PIWIL3: variants seen among roughly 807,000 people sequenced by gnomAD.
The protein encoded by PIWIL3 is piwi-like protein 3.
PIWIL3 carries 101 observed loss-of-function variants against 109.7 expected under a neutral mutation model. The observed-to-expected ratio is 0.92, with a 90% confidence interval of 0.78 to 1.09. PIWIL3 has a LOEUF of 1.09. Ranked by LOEUF, PIWIL3 falls within the 50% of genes least tolerant of loss-of-function variation. PIWIL3 has a pLI of 0.00. For synonymous variants in PIWIL3, 373 were observed against 376.4 expected (o/e 0.99, Z 0.10); for missense variants, 1,031 against 1,072.6 (o/e 0.96, Z 0.54).
intron 16 of PIWIL3, among the ~76,000 whole-genome samples, chr22:24,726,634 C>A (rs570279826): frequency 6.6e-6 from 1 of 152,310 alleles, no homozygotes; most frequent in East Asian, 1.9e-4. Context: ...GATTGGAAAG[C>A]AGATTTTACA....
In PIWIL3 at chr22:24,760,003, G is replaced by T; in HGVS notation, c.103-14C>A. 6.2e-7 allele frequency: 1 copy of T among 1,613,578 alleles called. No homozygotes were observed. Among genetic ancestry groups the T allele is most frequent in the East Asian group, 2.2e-5 (1 of 44,884 alleles). On this transcript the variant is annotated splice_polypyrimidine_tract_variant and intron_variant, in intron 2 of 20. Transcript: ENST00000616349. ...GGGCTCCTGGGTCTGCATGTTTTTG[G>T]AAATAGAAATAATGAGCAGTGCCCT...
At chr22:24,740,493 A>T (rs1206018200) in intron 12 of PIWIL3, among the ~76,000 whole-genome samples, 1 of 147,118 alleles carries the variant, frequency 6.8e-6, no homozygotes, top group Non-Finnish European at 1.5e-5. Context: ...GTTTGCAGTG[A>T]GCTGAGATCA....
At chr22:24,730,605 G>A (rs532953812) in intron 14 of PIWIL3, among the ~76,000 whole-genome samples, 1 of 151,876 alleles carries the variant, frequency 6.6e-6, no homozygotes, top group Non-Finnish European at 1.5e-5. Flanking sequence ...CTGGATGATG[G>A]GTATACAGGG....
chr22:24,759,923 G>A lies in PIWIL3; in HGVS notation c.169C>T (p.Pro57Ser), dbSNP rs758011874. 1 of 1,614,134 alleles carries A rather than the reference G, an allele frequency of 6.2e-7. No homozygotes were observed. Among genetic ancestry groups the A allele is most frequent in the South Asian group, 1.1e-5 (1 of 91,078 alleles). ...PLQEEVPVVR[P>S]LQPRAARGGA... Reference sequence around the variant, plus strand: ...CCTCTTGCTGCTCTTGGCTGCAGAGGTCTAACCACTGGGACTTCCTCCTGC... The same window carrying A: ...CCTCTTGCTGCTCTTGGCTGCAGAGATCTAACCACTGGGACTTCCTCCTGC... The change falls in exon 3 of 21, where the codon CCT becomes TCT. Residue 57 changes from proline to serine, a missense_variant. Physicochemically the swap from Pro to Ser is moderately conservative, Grantham distance 74 (BLOSUM62 -1). Transcript: ENST00000616349.
At chr22:24,723,085 TTG>T in intron 19 of PIWIL3, 43 bp downstream of exon 19, 4 of 1,581,950 alleles carry the variant, frequency 2.5e-6, no homozygotes, top group Non-Finnish European at 3.5e-6. Flanking sequence ...CTGAAGGAAA[TTG>T]AGAAAATCAT....
chr22:24,731,190 C>T (rs969495219), intron 14 of PIWIL3, among the ~76,000 whole-genome samples: 2 of 152,154 alleles, frequency 1.3e-5, no homozygotes, highest in Non-Finnish European at 2.9e-5. Context: ...CCCAGGCCTC[C>T]ACAAACAAGT....
chr22:24,758,685 C>T (rs776343533), intron 3 of PIWIL3, among the ~76,000 whole-genome samples: 10 of 152,212 alleles, frequency 6.6e-5, no homozygotes, highest in Non-Finnish European at 1.5e-4. Flanking sequence ...AATTTTACTT[C>T]TGGAGTCTAG....
rs767176795 is a variant in PIWIL3, at chr22:24,756,492, C to T, written c.569G>A (p.Arg190Gln). The T allele has an allele frequency of 3.5e-5, 56 of 1,611,360 alleles. No individual in the cohort carries two copies. The highest frequency in any genetic ancestry group is 1.7e-4 in the Admixed American group (10 of 59,952). The change falls in exon 5 of 21, where the codon CGG becomes CAG. Residue 190 changes from arginine (R) to glutamine (Q), a missense_variant and splice_region_variant. By Grantham distance (43) the Arg-to-Gln change is conservative. Coordinates refer to ENST00000616349, the MANE Select transcript of PIWIL3 (RefSeq NM_001255975.1). ...SLLLSRPLKERRVEWLSTTKD... is the reference protein window; with the variant it reads ...SLLLSRPLKEQRVEWLSTTKD... ...AAATGTGAAACAACATTACTTAACCCGCTCTTTTAGTGGCCGAGATAATAA... is the reference window on the plus strand; with the variant it reads ...AAATGTGAAACAACATTACTTAACCTGCTCTTTTAGTGGCCGAGATAATAA...
At chr22:24,759,806 C>T in intron 3 of PIWIL3, 63 bp downstream of exon 3, 1 of 1,609,128 alleles carries the variant, frequency 6.2e-7, no homozygotes, top group Non-Finnish European at 8.5e-7. Flanking sequence ...CCTTCTACCG[C>T]TGTGGTAGCC....
chr22:24,742,384 A>C (rs1377397849), intron 12 of PIWIL3, among the ~76,000 whole-genome samples: 1 of 120,200 alleles, frequency 8.3e-6, no homozygotes, highest in Non-Finnish European at 1.9e-5. Context: ...TCATAGAACT[A>C]GAAAAAAAAA....
At chr22:24,736,457 CTAAA>C (rs1769211891) in intron 12 of PIWIL3, among the ~76,000 whole-genome samples, 1 of 152,186 alleles carries the variant, frequency 6.6e-6, no homozygotes, top group African/African-American at 2.4e-5. Context: ...CATGTGCTCC[CTAAA>C]TATTTAGTCT....
intron 4 of PIWIL3, 37 bp downstream of exon 4, chr22:24,757,871 A>C: frequency 6.4e-7 from 1 of 1,555,302 alleles, no homozygotes; most frequent in Non-Finnish European, 8.6e-7. Flanking sequence ...GTTAAAAACG[A>C]ACAGCTCCAT....
At chr22:24,746,784 C>G (rs1924398501) in intron 12 of PIWIL3, among the ~76,000 whole-genome samples, 1 of 151,872 alleles carries the variant, frequency 6.6e-6, no homozygotes, top group Non-Finnish European at 1.5e-5. Flanking sequence ...AGGAATTAAC[C>G]TAACCAAATT....
At chr22:24,769,228 A>T (rs1925982029) in intron 1 of PIWIL3, among the ~76,000 whole-genome samples, 1 of 152,214 alleles carries the variant, frequency 6.6e-6, no homozygotes, top group African/African-American at 2.4e-5. Flanking sequence ...CTTTGTAAGT[A>T]GTTGTTATGT....
intron 14 of PIWIL3, 62 bp from the exon 15 acceptor site, chr22:24,728,436 A>G: frequency 1.2e-6 from 2 of 1,601,578 alleles, no homozygotes; most frequent in Non-Finnish European, 1.7e-6. Context: ...GGAAAGAAAA[A>G]CCATCTGGAG....
intron 12 of PIWIL3, among the ~76,000 whole-genome samples, chr22:24,743,642 T>C (rs1254863042): frequency 6.6e-6 from 1 of 152,100 alleles, no homozygotes; most frequent in Non-Finnish European, 1.5e-5. Context: ...GGCGTAAGAA[T>C]GATGCAATGG....
intron 16 of PIWIL3, among the ~76,000 whole-genome samples, chr22:24,727,059 G>A (rs1375473257): frequency 1.3e-5 from 2 of 152,198 alleles, no homozygotes; most frequent in Non-Finnish European, 2.9e-5. Context: ...TGCAGGTATA[G>A]GAAGACAAGA....
At chr22:24,750,009 C>A (rs1924608917) in intron 9 of PIWIL3, among the ~76,000 whole-genome samples, 190 bp from the exon 10 acceptor site, 1 of 152,198 alleles carries the variant, frequency 6.6e-6, no homozygotes. Context: ...TGCCACGGAT[C>A]TTTTCTTGTG....
chr22:24,757,488 T>G (rs1477951462), intron 4 of PIWIL3, among the ~76,000 whole-genome samples: 2 of 151,846 alleles, frequency 1.3e-5, no homozygotes, highest in African/African-American at 4.8e-5. Context: ...AAAGTTTTTA[T>G]CGAAAGTTTA....
Sources: allele counts gnomAD v4.1 joint callset (sites outside exome capture counted in the v4.1 genomes callset), GRCh38; gene constraint gnomAD v4.1.1; transcripts MANE v1.5; gene names NCBI Gene and HGNC (gene_info 2026-07-23, HGNC 2026-07-21).